The following SNTG1 variants were observed in gnomAD, a reference collection of about 807,000 sequenced individuals.
The protein encoded by SNTG1 is syntrophin gamma 1, also known as gamma-1-syntrophin.
Under a neutral mutation model 74.7 loss-of-function variants are expected in SNTG1, and 39 were observed. The observed-to-expected ratio is 0.52, with a 90% CI of 0.40 to 0.68. SNTG1 has a LOEUF of 0.68. SNTG1 is among the 30% of genes least tolerant of loss of function. The pLI is 0.00. For missense variants in SNTG1, 685 were observed against 609.5 expected (o/e 1.12, Z -1.30); for synonymous variants, 254 against 217.1 (o/e 1.17, Z -1.49).
At chr8:50,655,266 T>C (rs755420786) in intron 13 of SNTG1, among the ~76,000 whole-genome samples, 2 of 152,186 alleles carry the variant, frequency 1.3e-5, no homozygotes, top group African/African-American at 2.4e-5. Context: ...AGTAAATATA[T>C]ATTAAACTAA....
At position 50,022,724 on chromosome 8, in the gene SNTG1, G is replaced by A. The variant is rs75349273; in HGVS notation, c.-103+110493G>A. On this transcript the variant is annotated intron_variant, in intron 1 of 18. Coordinates refer to ENST00000642720, the MANE Select transcript of SNTG1 (RefSeq NM_018967.5). ...TTTCAGGAGGCACTGAGCTGCCAGAGCATACATGGATTAGGAAATAGTGTC... is the reference window on the plus strand; with the variant it reads ...TTTCAGGAGGCACTGAGCTGCCAGAACATACATGGATTAGGAAATAGTGTC... Among the ~76,000 whole-genome samples the A allele has an allele frequency of 5.5e-3, 835 of 152,290 alleles. 11 individuals are homozygous for A. The highest frequency in any genetic ancestry group is 0.019 in the African/African-American group (791 of 41,560).
chr8:50,462,981 T>G (rs1006810756), intron 8 of SNTG1, among the ~76,000 whole-genome samples: 9 of 152,034 alleles, frequency 5.9e-5, no homozygotes, highest in African/African-American at 2.2e-4. Context: ...CACACCCAGC[T>G]AATTTTTGTA....
intron 18 of SNTG1, chr8:50,762,683 T>A (rs116620892): frequency 5.3e-4 from 252 of 475,228 alleles, no homozygotes; most frequent in African/African-American, 4.3e-3. Context: ...ACCTGTCTTC[T>A]ACCCGAAGAG....
rs929796764 is a variant in SNTG1 at position 50,765,115 on chromosome 8, A to C, written c.1395+13004A>C. 3.9e-5 allele frequency among the ~76,000 whole-genome samples: 6 copies of C among 152,000 alleles called. No individual in the cohort carries two copies. The East Asian group carries it at 9.7e-4, about 25-fold the overall frequency. On this transcript the variant is annotated intron_variant, in intron 18 of 18. Transcript: ENST00000642720. Reference sequence around the variant, plus strand: ...AGAGACTGGAGAATAGGGGGAATGGAGAGATTTTGGTCAAAAGGTACAATG... The same window carrying C: ...AGAGACTGGAGAATAGGGGGAATGGCGAGATTTTGGTCAAAAGGTACAATG...
In SNTG1 at chr8:50,779,008, GTTGTAGATATGCGGCGTTA is replaced by G. The variant is rs2095649934; in HGVS notation, c.1396-13660_1396-13642del. Among the ~76,000 whole-genome samples the G allele has an allele frequency of 2.0e-5, 3 of 152,140 alleles. No homozygotes were observed. The South Asian group carries it at 6.2e-4, about 31-fold the overall frequency. On this transcript the variant is annotated intron_variant, in intron 18 of 18. Coordinates refer to ENST00000642720, the MANE Select transcript of SNTG1 (RefSeq NM_018967.5). ...TCTCAGGTTTGTCAAAGATCAGATA[GTTGTAGATATGCGGCGTTA>G]TTTCTGAGGGCTCTGTTGTGTTCCA...
intron 11 of SNTG1, among the ~76,000 whole-genome samples, chr8:50,538,097 G>GTA (rs1454074127): frequency 6.6e-6 from 1 of 152,074 alleles, no homozygotes. Flanking sequence ...GTTGCTTGAG[G>GTA]TATTATAATA....
chr8:50,352,681 C>G (rs2091700138), intron 2 of SNTG1, among the ~76,000 whole-genome samples: 1 of 152,104 alleles, frequency 6.6e-6, no homozygotes, highest in Non-Finnish European at 1.5e-5. Context: ...GTATACCAGG[C>G]TTTTGGTCCT....
chr8:50,734,258 A>G (rs1051710281), intron 17 of SNTG1, among the ~76,000 whole-genome samples: 1 of 151,730 alleles, frequency 6.6e-6, no homozygotes, highest in African/African-American at 2.4e-5. Flanking sequence ...TACAGAGACT[A>G]TTGCTTCTCG....
intron 2 of SNTG1, among the ~76,000 whole-genome samples, chr8:50,179,863 C>T (rs1439914905): frequency 2.0e-5 from 3 of 152,146 alleles, no homozygotes. Context: ...TTGTGAAAAA[C>T]TGCATGGAGT....
intron 1 of SNTG1, among the ~76,000 whole-genome samples, chr8:50,123,584 G>T: frequency 7.0e-6 from 1 of 142,702 alleles, no homozygotes; most frequent in East Asian, 2.0e-4. Context: ...AATTTGCTAA[G>T]AGATGCCTAT....
chr8:50,709,099 G>T (rs191836419), intron 17 of SNTG1, 121 bp downstream of exon 17: 31 of 761,758 alleles, frequency 4.1e-5, no homozygotes, highest in Non-Finnish European at 6.2e-5. Context: ...TAAGATCTTC[G>T]TTTTTGTTAA....
At chr8:50,215,535 C>A (rs1454983447) in intron 2 of SNTG1, among the ~76,000 whole-genome samples, 1 of 148,984 alleles carries the variant, frequency 6.7e-6, no homozygotes, top group African/African-American at 2.5e-5. Context: ...TTAAGATATC[C>A]TGACATTTTA....
chr8:50,422,870 G>T (rs1343576050), intron 4 of SNTG1, among the ~76,000 whole-genome samples: 1 of 152,130 alleles, frequency 6.6e-6, no homozygotes. Context: ...TCTCTCATTA[G>T]CTTTAAAAGG....
At chr8:50,494,977 A>C (rs75428570) in intron 8 of SNTG1, among the ~76,000 whole-genome samples, 6,742 of 152,142 alleles carry the variant, frequency 0.044, 263 homozygotes, top group African/African-American at 0.098. Flanking sequence ...TATTTTTATT[A>C]GAGCTGAGAG....
intron 8 of SNTG1, among the ~76,000 whole-genome samples, chr8:50,474,822 C>T (rs879419243): frequency 5.9e-5 from 9 of 151,986 alleles, no homozygotes; most frequent in Non-Finnish European, 1.3e-4. Context: ...GACTTGGAAC[C>T]AAGCCAAATG....
At chr8:50,788,121 A>G (rs2095681015) in intron 18 of SNTG1, among the ~76,000 whole-genome samples, 1 of 152,060 alleles carries the variant, frequency 6.6e-6, no homozygotes, top group Admixed American at 6.6e-5. Context: ...CATTAACAAG[A>G]AATAAACCTA....
chr8:50,677,154 A>T (rs2095312577), intron 15 of SNTG1, among the ~76,000 whole-genome samples: 1 of 152,016 alleles, frequency 6.6e-6, no homozygotes, highest in African/African-American at 2.4e-5. Context: ...GCTGAGTCAG[A>T]AGATAATCCA....
intron 18 of SNTG1, chr8:50,762,505 G>T: frequency 5.5e-6 from 2 of 361,202 alleles, no homozygotes; most frequent in South Asian, 4.9e-5. Context: ...TAGCTTTTTT[G>T]AGATAAGCTA....
intron 2 of SNTG1, among the ~76,000 whole-genome samples, chr8:50,199,433 G>A (rs949039042): frequency 6.6e-6 from 1 of 152,000 alleles, no homozygotes; most frequent in African/African-American, 2.4e-5. Context: ...GGCCAGGCTG[G>A]TCTCGAACTC....
Sources: gnomAD v4.1 joint callset for allele counts (sites outside exome capture counted in the v4.1 genomes callset) on GRCh38, gnomAD v4.1.1 for gene constraint, MANE v1.5 for transcripts, NCBI Gene and HGNC (gene_info 2026-07-23, HGNC 2026-07-21) for gene names.